Variants in CSMD1 observed in about 807,000 individuals in gnomAD.
CSMD1 encodes the protein CUB and Sushi multiple domains 1, also known as CUB and sushi domain-containing protein 1.
A neutral mutation model predicts 417.5 loss-of-function variants in CSMD1; 213 were observed. That is an observed-to-expected ratio of 0.51 (90% CI 0.46 to 0.57). CSMD1 has a LOEUF of 0.57. Among genes scored for constraint, CSMD1 ranks in the 20% least tolerant of loss-of-function variants. The pLI is 0.00. For missense variants in CSMD1, 6,923 were observed against 4,529.7 expected, an observed-to-expected ratio of 1.53 and a Z score of -15.17; for synonymous variants, 2,862 against 1,736.8, an observed-to-expected ratio of 1.65 and a Z score of -16.11.
At chr8:4,668,287 T>C (rs977666681) in intron 1 of CSMD1, among the ~76,000 whole-genome samples, 13 of 152,012 alleles carry the variant, frequency 8.6e-5, no homozygotes, top group Non-Finnish European at 1.6e-4. Context: ...TTGTAGGCTT[T>C]TCCATTTTGT....
At chr8:3,896,766 A>G (rs1807399944) in intron 5 of CSMD1, among the ~76,000 whole-genome samples, 1 of 152,108 alleles carries the variant, frequency 6.6e-6, no homozygotes, top group African/African-American at 2.4e-5. Context: ...TAAGAAATAT[A>G]CGTAAACAGC....
intron 3 of CSMD1, among the ~76,000 whole-genome samples, chr8:4,054,470 C>T (rs1042099250): frequency 6.6e-6 from 1 of 152,106 alleles, no homozygotes; most frequent in Non-Finnish European, 1.5e-5. Flanking sequence ...TTAGCAAGAA[C>T]GACTGCATTT....
chr8:4,236,758 C>G (rs1409093456), intron 3 of CSMD1, among the ~76,000 whole-genome samples: 1 of 152,118 alleles, frequency 6.6e-6, no homozygotes, highest in Non-Finnish European at 1.5e-5. Context: ...AATGGCTTAT[C>G]TCAATACATT....
intron 5 of CSMD1, among the ~76,000 whole-genome samples, chr8:3,846,227 C>T (rs1439840382): frequency 6.6e-6 from 1 of 152,170 alleles, no homozygotes; most frequent in Non-Finnish European, 1.5e-5. Flanking sequence ...CCACCAGCAT[C>T]ATCACAGATA....
intron 3 of CSMD1, among the ~76,000 whole-genome samples, chr8:4,186,600 G>C (rs6984970): frequency 6.6e-6 from 1 of 151,990 alleles, no homozygotes; most frequent in Non-Finnish European, 1.5e-5. Flanking sequence ...TGTCAAATCA[G>C]CCCCTCTCTC....
intron 5 of CSMD1, among the ~76,000 whole-genome samples, chr8:3,849,794 T>G (rs924606510): frequency 6.6e-6 from 1 of 150,608 alleles, no homozygotes; most frequent in African/African-American, 2.5e-5. Flanking sequence ...GATGATATTG[T>G]GAGACAGAGT....
chr8:3,583,047 T>C (rs2116982613), intron 9 of CSMD1, among the ~76,000 whole-genome samples: 1 of 152,240 alleles, frequency 6.6e-6, no homozygotes, highest in African/African-American at 2.4e-5. Context: ...AGAATTTCCC[T>C]TACAGAGCAA....
intron 49 of CSMD1, among the ~76,000 whole-genome samples, chr8:3,057,696 T>G (rs962809268): frequency 6.6e-6 from 1 of 152,306 alleles, no homozygotes; most frequent in African/African-American, 2.4e-5. Flanking sequence ...CCAAGTCTAA[T>G]AGTCATTAAA....
intron 12 of CSMD1, among the ~76,000 whole-genome samples, chr8:3,423,024 C>A (rs1813594580): frequency 6.6e-6 from 1 of 152,194 alleles, no homozygotes; most frequent in Non-Finnish European, 1.5e-5. Context: ...GAGACACCTT[C>A]AAACACCAGC....
At chr8:4,133,324 A>G (rs1247526224) in intron 3 of CSMD1, among the ~76,000 whole-genome samples, 3 of 152,222 alleles carry the variant, frequency 2.0e-5, no homozygotes, top group Non-Finnish European at 4.4e-5. Flanking sequence ...GAGGACAAAT[A>G]ATGATAGACT....
intron 3 of CSMD1, among the ~76,000 whole-genome samples, chr8:4,137,229 C>T (rs1170289105): frequency 6.6e-6 from 1 of 152,268 alleles, no homozygotes; most frequent in Non-Finnish European, 1.5e-5. Flanking sequence ...AATTAATTCT[C>T]CATGATGCCT....
At chr8:3,754,440 ATTTATTTAT>A (rs1466250486) in intron 5 of CSMD1, among the ~76,000 whole-genome samples, 2 of 126,146 alleles carry the variant, frequency 1.6e-5, no homozygotes, top group Non-Finnish European at 3.7e-5. Context: ...TTCCTTATTT[ATTTATTTAT>A]TTATTTATTT....
chr8:3,668,131 T>A (rs944769231), intron 7 of CSMD1, among the ~76,000 whole-genome samples: 12 of 152,012 alleles, frequency 7.9e-5, no homozygotes, highest in African/African-American at 2.7e-4. Flanking sequence ...TGAACACAAT[T>A]TGGACAGATA....
intron 3 of CSMD1, among the ~76,000 whole-genome samples, chr8:4,345,578 C>A (rs555303160): frequency 3.2e-4 from 48 of 152,110 alleles, no homozygotes; most frequent in Admixed American, 2.0e-3. Context: ...GCACTAATAT[C>A]TAAAATATAT....
chr8:3,382,311 G>A (rs1200753568), intron 18 of CSMD1, among the ~76,000 whole-genome samples: 2 of 147,634 alleles, frequency 1.4e-5, no homozygotes, highest in African/African-American at 2.5e-5. Flanking sequence ...AGTTTATTGG[G>A]TTAGGGTTAT....
intron 23 of CSMD1, among the ~76,000 whole-genome samples, chr8:3,321,867 G>A (rs1037752668): frequency 3.3e-5 from 5 of 152,128 alleles, no homozygotes; most frequent in African/African-American, 1.2e-4. Context: ...CAAAATTTGG[G>A]AGGATTTAAA....
chr8:3,398,752 G>T (rs907865784), intron 16 of CSMD1, among the ~76,000 whole-genome samples: 3 of 152,138 alleles, frequency 2.0e-5, no homozygotes, highest in Admixed American at 6.5e-5. Context: ...TGGTCTCAGT[G>T]TTGAGAGAAA....
intron 1 of CSMD1, among the ~76,000 whole-genome samples, chr8:4,798,389 T>C (rs1798098794): frequency 6.6e-6 from 1 of 152,190 alleles, no homozygotes; most frequent in Non-Finnish European, 1.5e-5. Flanking sequence ...TATGTGCATT[T>C]TTAATGACTA....
At chr8:3,700,199 C>G (rs763811091) in intron 7 of CSMD1, among the ~76,000 whole-genome samples, 15 of 152,130 alleles carry the variant, frequency 9.9e-5, no homozygotes, top group Non-Finnish European at 1.8e-4. Flanking sequence ...TCACAAATCA[C>G]CACTGAAGAG....
Sources: allele counts gnomAD v4.1 joint callset (sites outside exome capture counted in the v4.1 genomes callset), GRCh38; gene constraint gnomAD v4.1.1; transcripts MANE v1.5; gene names NCBI Gene and HGNC (gene_info 2026-07-23, HGNC 2026-07-21).